The following SYMPK variants were observed in gnomAD, a reference collection of about 807,000 sequenced individuals.
SYMPK encodes the protein symplekin scaffold protein.
Under a neutral mutation model 136.4 loss-of-function variants are expected in SYMPK, and 49 were observed. The ratio of observed to expected loss-of-function variants is 0.36; its 90% CI spans 0.29 to 0.46. The LOEUF is 0.46. Ranked by LOEUF, SYMPK falls within the 20% of genes least tolerant of loss-of-function variation. The pLI, the probability that SYMPK is intolerant of heterozygous loss-of-function variation, is 1.00. For synonymous variants in SYMPK, 766 were observed against 713.0 expected, an observed-to-expected ratio of 1.07 and a Z score of -1.19; for missense variants, 1,365 against 1,690.0, an observed-to-expected ratio of 0.81 and a Z score of 3.37.
At chr19:45,817,510 C>A (rs1970781881) in intron 23 of SYMPK, among the ~76,000 whole-genome samples, 1 of 147,986 alleles carries the variant, frequency 6.8e-6, no homozygotes, top group Admixed American at 6.8e-5. Flanking sequence ...TTCCTCACTG[C>A]AGCCCCAAAC....
rs754319390 is a variant in SYMPK at position 45,823,465 on chromosome 19, G to C, written c.2607C>G (p.Pro869=). 1 of 1,613,868 alleles carries C rather than the reference G, an allele frequency of 6.2e-7. No individual in the cohort carries two copies. The highest frequency in any genetic ancestry group is 1.1e-5 in the South Asian group (1 of 91,080). Residue 869 remains proline, a synonymous_variant, in exon 20 of 27, where the codon CCC becomes CCG. Transcript: ENST00000245934. ...GGACCCGCTTCACCAGCTCTGGGGAGGGTGGGACTGCATGGAAGCAGCAGG... is the reference window on the plus strand; with the variant it reads ...GGACCCGCTTCACCAGCTCTGGGGACGGTGGGACTGCATGGAAGCAGCAGG... The part of the protein sequence containing the change: ...CLHSLTDKVP[P]SPELVKRVRD...
At position 45,863,144 on chromosome 19, in the gene SYMPK, C is replaced by T; in HGVS notation, c.-99G>A. On this transcript the variant is annotated 5_prime_UTR_variant, in exon 1 of 27. Coordinates refer to ENST00000245934, the MANE Select transcript of SYMPK (RefSeq NM_004819.3). ...GCCGCCGCCGCCGCCATCTTCCGTT[C>T]GTCGCCGGGAACGGTGCGCACGCGC... 2.5e-6 allele frequency: 1 copy of T among 406,254 alleles called. No homozygotes were observed. The highest frequency in any genetic ancestry group is 4.3e-6 in the Non-Finnish European group (1 of 230,816). The allele number at this position is 406,254 out of a possible 1,614,324, so 25.2% of individuals were successfully genotyped here. A position where few individuals can be genotyped will look rare whatever the true frequency, so the allele number is the denominator to read the frequency against.
chr19:45,835,917 T>TAAAGAAAGAAAGAAAAAGAAAG (rs1971289969), intron 10 of SYMPK, among the ~76,000 whole-genome samples: 1 of 147,804 alleles, frequency 6.8e-6, no homozygotes, highest in African/African-American at 2.5e-5. Flanking sequence ...ATCTCATTCA[T>TAAAGAAAGAAAGAAAAAGAAAG]AAAGAAAGAA....
At position 45,821,248 on chromosome 19, in the gene SYMPK, C is replaced by T. The variant is rs1222372005; in HGVS notation, c.2893+136G>A. The T allele has an allele frequency of 4.1e-6, 3 of 732,586 alleles. No individual in the cohort carries two copies. The highest frequency in any genetic ancestry group is 2.0e-5 in the Admixed American group (1 of 50,396). The allele number at this position is 732,586 out of a possible 1,614,324, so 45.4% of individuals were successfully genotyped here. ...GAAAAGGAGGGAGGGAGGGAGGTGG[C>T]TCTCCAGAGCTCTGAGGTGGGGCTG... On this transcript the variant is annotated intron_variant, in intron 22 of 26. Coordinates refer to ENST00000245934, the MANE Select transcript of SYMPK (RefSeq NM_004819.3). The surrounding 1 kb of genome is among the most constrained non-coding windows in gnomAD (Gnocchi z 4.4).
chr19:45,831,120 C>T (rs1971159068), intron 12 of SYMPK: 2 of 328,820 alleles, frequency 6.1e-6, no homozygotes, highest in Non-Finnish European at 1.1e-5. Context: ...CTTCTTTGAT[C>T]CTTATGAGAA....
At chr19:45,818,194 C>A (rs1970799888) in intron 22 of SYMPK, 48 bp from the exon 23 acceptor site, 2 of 1,479,536 alleles carry the variant, frequency 1.4e-6, no homozygotes, top group Non-Finnish European at 1.8e-6. Flanking sequence ...CAGCTGCCCC[C>A]TGGGAGGTGG....
At chr19:45,838,690 G>C (rs951253410) in intron 9 of SYMPK, 75 bp from the exon 10 acceptor site, 25 of 1,500,682 alleles carry the variant, frequency 1.7e-5, no homozygotes, top group Non-Finnish European at 2.2e-5. Context: ...GGGTGCCCGG[G>C]TGGTCCCTGC....
intron 8 of SYMPK, chr19:45,842,937 T>G: frequency 5.9e-6 from 1 of 170,366 alleles, no homozygotes; most frequent in South Asian, 1.5e-4. Flanking sequence ...ATGCCTGTAA[T>G]TCTGCCTGCC....
intron 3 of SYMPK, among the ~76,000 whole-genome samples, chr19:45,852,866 G>A (rs1221793224): frequency 2.6e-5 from 4 of 152,154 alleles, no homozygotes; most frequent in Admixed American, 2.6e-4. Context: ...GTGCCCCAAG[G>A]CTCAGGCCTT....
chr19:45,826,114 C>T (rs1466609299), intron 17 of SYMPK, 112 bp downstream of exon 17: 3 of 1,469,886 alleles, frequency 2.0e-6, no homozygotes, highest in Non-Finnish European at 1.8e-6. Flanking sequence ...CCCAGTCCTG[C>T]CCATTCCCGT....
At chr19:45,853,675 C>A (rs753971735) in intron 3 of SYMPK, among the ~76,000 whole-genome samples, 1 of 152,166 alleles carries the variant, frequency 6.6e-6, no homozygotes, top group Middle Eastern at 3.4e-3. Flanking sequence ...TCCTTTTATC[C>A]TCCATGGCTT....
chr19:45,815,563 G>A lies in SYMPK; in HGVS notation c.3822C>T (p.Ser1274=). 1 of 1,378,504 alleles carries A rather than the reference G, an allele frequency of 7.3e-7. No homozygotes were observed. The highest frequency in any genetic ancestry group is 9.6e-7 in the Non-Finnish European group (1 of 1,044,492). 85.4% of individuals were successfully genotyped at this position (1,378,504 alleles called of 1,614,324 possible). The change falls in exon 27 of 27, where the codon AGC becomes AGT. Residue 1274 remains serine (S), a synonymous_variant. Coordinates refer to ENST00000245934, the MANE Select transcript of SYMPK (RefSeq NM_004819.3). ...CCCCTTTCCCCCTCGAGCCCCGTCA[G>A]CTGTTCCCCTTGGCCTCGGGTTCCC... The part of the protein sequence containing the change: ...DAREPEAKGN[S]
chr19:45,825,235 G>T lies in SYMPK; in HGVS notation c.2426C>A (p.Ala809Glu). 1 of 1,614,176 alleles carries T rather than the reference G, an allele frequency of 6.2e-7. No individual in the cohort carries two copies. The highest frequency in any genetic ancestry group is 8.5e-7 in the Non-Finnish European group (1 of 1,180,030). ...GGCGATGGCTTCAGTGTACACGGCC[G>T]CCAGTTCGTGGATCAGCTTGTGGTT... ...PQNHKLIHEL[A>E]AVYTEAIADI... The change falls in exon 18 of 27, where the codon GCG (alanine) becomes GAG (glutamate). Residue 809 changes from alanine to glutamate, a missense_variant. Coordinates refer to ENST00000245934, the MANE Select transcript of SYMPK (RefSeq NM_004819.3).
At position 45,842,757 on chromosome 19, in the gene SYMPK, C is replaced by A. The variant is rs1445942717; in HGVS notation, c.848-268G>T. The stretch of plus-strand genomic sequence containing the variant: ...AATTTCGTCCTCCTCCATCTCTGGT[C>A]TGGAAATTCACATATGCTTCGCTTG... On this transcript the variant is annotated intron_variant, in intron 8 of 26. Transcript: ENST00000245934. 6 of 449,566 alleles carry A rather than the reference C, an allele frequency of 1.3e-5. No individual in the cohort carries two copies. In the Admixed American group the frequency reaches 2.0e-4, roughly 15 times the overall value. The allele number at this position is 449,566 out of a possible 1,614,324, so 27.8% of individuals were successfully genotyped here. A position where few individuals can be genotyped will look rare whatever the true frequency, so the allele number is the denominator to read the frequency against.
chr19:45,848,933 G>T, intron 5 of SYMPK, 57 bp from the exon 6 acceptor site: 1 of 1,606,840 alleles, frequency 6.2e-7, no homozygotes, highest in Non-Finnish European at 8.5e-7. Context: ...GCAAGTAGGA[G>T]GAGCCTGAGG....
chr19:45,836,564 G>C (rs924335437), intron 10 of SYMPK, among the ~76,000 whole-genome samples: 20 of 151,672 alleles, frequency 1.3e-4, no homozygotes, highest in African/African-American at 4.8e-4. Flanking sequence ...CCGGGAGGCG[G>C]AGCTTACAGT....
intron 20 of SYMPK, 42 bp from the exon 21 acceptor site, chr19:45,822,888 C>T (rs1480448806): frequency 1.3e-6 from 2 of 1,503,656 alleles, no homozygotes; most frequent in South Asian, 1.1e-5. Flanking sequence ...GAGTCACATA[C>T]ACCCTCATTT....
At chr19:45,830,549 G>A (rs975553924) in intron 12 of SYMPK, 18 of 229,254 alleles carry the variant, frequency 7.9e-5, no homozygotes, top group Admixed American at 6.8e-4. Context: ...AGGGGTGAGG[G>A]TAGCAGAAGA....
At chr19:45,850,358 A>C (rs1971670655) in intron 5 of SYMPK, among the ~76,000 whole-genome samples, 1 of 152,262 alleles carries the variant, frequency 6.6e-6, no homozygotes, top group Non-Finnish European at 1.5e-5. Flanking sequence ...AGGGTCAAAC[A>C]ACTGATCCAT....
Sources: gnomAD v4.1 joint callset for allele counts (sites outside exome capture counted in the v4.1 genomes callset) on GRCh38, gnomAD v4.1.1 for gene constraint, Gnocchi (gnomAD v3.1) non-coding constraint, MANE v1.5 for transcripts, NCBI Gene and HGNC (gene_info 2026-07-23, HGNC 2026-07-21) for gene names.